SMARCC1: variants seen among roughly 807,000 people sequenced by gnomAD.
The protein encoded by SMARCC1 is SWI/SNF complex subunit SMARCC1.
In SMARCC1, 43 loss-of-function variants were observed where a neutral mutation model predicts 147.4. The observed-to-expected ratio is 0.29, with a 90% CI of 0.23 to 0.38. The LOEUF (loss-of-function observed/expected upper bound fraction) is 0.38, where lower values mean the gene tolerates loss of function less well. SMARCC1 is among the 10% of genes least tolerant of loss of function. The probability of loss-of-function intolerance (pLI) is 1.00; values close to 1 mark genes in which losing one functional copy is unlikely to be tolerated. For missense variants in SMARCC1, 1,119 were observed against 1,381.1 expected, an observed-to-expected ratio of 0.81 and a Z score of 3.01; for synonymous variants, 495 against 484.4, an observed-to-expected ratio of 1.02 and a Z score of -0.29.
At chr3:47,684,068 G>A (rs1030380343) in intron 14 of SMARCC1, among the ~76,000 whole-genome samples, 3 of 151,944 alleles carry the variant, frequency 2.0e-5, no homozygotes, top group African/African-American at 7.2e-5. Flanking sequence ...GTGAAACCCC[G>A]TCTCTACTAA....
chr3:47,610,427 C>T (rs1422356771), intron 25 of SMARCC1, 100 bp from the exon 26 acceptor site: 2 of 1,259,322 alleles, frequency 1.6e-6, no homozygotes, highest in East Asian at 4.6e-5. Context: ...ACCTCTATCC[C>T]ATCACACTGA....
intron 21 of SMARCC1, among the ~76,000 whole-genome samples, chr3:47,641,883 C>T (rs150842788): frequency 2.0e-5 from 3 of 152,242 alleles, no homozygotes; most frequent in Admixed American, 6.5e-5. Flanking sequence ...CTGATCCACC[C>T]GCCTCAGCCT....
intron 6 of SMARCC1, among the ~76,000 whole-genome samples, chr3:47,722,745 C>A (rs1355849947): frequency 6.6e-6 from 1 of 152,092 alleles, no homozygotes; most frequent in African/African-American, 2.4e-5. Context: ...AGAAGTATGG[C>A]TGAATGACAA....
intron 25 of SMARCC1, among the ~76,000 whole-genome samples, chr3:47,615,139 C>T (rs182222984): frequency 1.2e-4 from 18 of 152,316 alleles, no homozygotes; most frequent in Non-Finnish European, 2.4e-4. Context: ...CGACTCAGCC[C>T]ATAACATACA....
intron 2 of SMARCC1, among the ~76,000 whole-genome samples, chr3:47,749,100 T>C (rs751653068): frequency 2.7e-5 from 4 of 150,820 alleles, no homozygotes; most frequent in Non-Finnish European, 5.9e-5. Context: ...GTCAGAAGTT[T>C]GGGACAAGCC....
chr3:47,624,484 A>G (rs1174081778), intron 24 of SMARCC1, among the ~76,000 whole-genome samples: 1 of 152,202 alleles, frequency 6.6e-6, no homozygotes, highest in Non-Finnish European at 1.5e-5. Flanking sequence ...GTAAAATGAG[A>G]TGTTTGAAAA....
intron 21 of SMARCC1, among the ~76,000 whole-genome samples, chr3:47,655,517 T>G (rs1253934873): frequency 6.6e-6 from 1 of 151,716 alleles, no homozygotes; most frequent in Non-Finnish European, 1.5e-5. Context: ...GCCAATATGG[T>G]GAAACCCTGT....
At chr3:47,670,080 T>C (rs1052903363) in intron 19 of SMARCC1, among the ~76,000 whole-genome samples, 1 of 152,248 alleles carries the variant, frequency 6.6e-6, no homozygotes, top group African/African-American at 2.4e-5. Flanking sequence ...ATTCACAACT[T>C]ATTTTGTGAT....
At chr3:47,759,788 T>G (rs1352577965) in intron 2 of SMARCC1, among the ~76,000 whole-genome samples, 1 of 148,812 alleles carries the variant, frequency 6.7e-6, no homozygotes, top group Non-Finnish European at 1.5e-5. Context: ...TACAAAAAAA[T>G]TAGCTGGGTG....
chr3:47,635,404 C>T (rs1307646215), intron 23 of SMARCC1, 60 bp from the exon 24 acceptor site: 1 of 1,413,494 alleles, frequency 7.1e-7, no homozygotes, highest in African/African-American at 1.5e-5. Context: ...CATCTTTCTC[C>T]TTACCTCCAC....
At chr3:47,646,015 G>A (rs1435231101) in intron 21 of SMARCC1, among the ~76,000 whole-genome samples, 3 of 152,114 alleles carry the variant, frequency 2.0e-5, no homozygotes, top group Admixed American at 2.0e-4. Context: ...TTAAGGTGAT[G>A]TCTGTTAAGG....
chr3:47,739,994 A>G (rs2034489721), intron 3 of SMARCC1, among the ~76,000 whole-genome samples: 1 of 151,978 alleles, frequency 6.6e-6, no homozygotes, highest in Non-Finnish European at 1.5e-5. Flanking sequence ...CTCCTGCCTC[A>G]GCCTCCTGAT....
At chr3:47,600,364 T>C (rs2032363761) in intron 26 of SMARCC1, among the ~76,000 whole-genome samples, 1 of 152,164 alleles carries the variant, frequency 6.6e-6, no homozygotes, top group South Asian at 2.1e-4. Flanking sequence ...CTGGTGTACC[T>C]GGGGCAGTGG....
At chr3:47,655,398 C>CA (rs956893874) in intron 21 of SMARCC1, among the ~76,000 whole-genome samples, 4 of 151,160 alleles carry the variant, frequency 2.6e-5, no homozygotes, top group South Asian at 2.1e-4. Context: ...GACACTGTCT[C>CA]AAAAAAAATA....
At chr3:47,608,465 T>G (rs981904250) in intron 26 of SMARCC1, among the ~76,000 whole-genome samples, 2 of 152,146 alleles carry the variant, frequency 1.3e-5, no homozygotes, top group African/African-American at 4.8e-5. Context: ...TTATAATGGA[T>G]GATCCGACTG....
intron 12 of SMARCC1, among the ~76,000 whole-genome samples, chr3:47,691,181 TA>T (rs763942478): frequency 2.0e-5 from 3 of 152,192 alleles, no homozygotes; most frequent in Non-Finnish European, 2.9e-5. Context: ...TAATATTCAA[TA>T]AATGTTCTCT....
intron 18 of SMARCC1, among the ~76,000 whole-genome samples, chr3:47,672,503 GCC>G (rs2106750958): frequency 6.6e-6 from 1 of 152,256 alleles, no homozygotes; most frequent in East Asian, 1.9e-4. Flanking sequence ...ACCGCGTCCA[GCC>G]CCGCAAGGAT....
rs1237032571 is a variant in SMARCC1 at position 47,686,126 on chromosome 3, G to A, written c.1308C>T (p.Asp436=). Reference sequence around the variant, plus strand: ...GCTCTGTCACATTATCTTCCCCAAGGTCAACTGATCGACTCTGATCACCTT... The same window carrying A: ...GCTCTGTCACATTATCTTCCCCAAGATCAACTGATCGACTCTGATCACCTT... ...PAKGDQSRSV[D]LGEDNVTEQT... The change falls in exon 14 of 28, where the codon GAC becomes GAT. Residue 436 remains aspartate, a synonymous_variant. Transcript: ENST00000254480. 1 of 1,610,884 alleles carries A rather than the reference G, an allele frequency of 6.2e-7. No homozygotes were observed. Among genetic ancestry groups the A allele is most frequent in the Non-Finnish European group, 8.5e-7 (1 of 1,177,354 alleles).
chr3:47,610,571 T>C, intron 25 of SMARCC1: 2 of 534,672 alleles, frequency 3.7e-6, no homozygotes, highest in Non-Finnish European at 6.8e-6. Context: ...TTCCTTGCAA[T>C]CTTCCCGCAG....
Sources: gnomAD v4.1 joint callset for allele counts (sites outside exome capture counted in the v4.1 genomes callset) on GRCh38, gnomAD v4.1.1 for gene constraint, MANE v1.5 for transcripts, NCBI Gene and HGNC (gene_info 2026-07-23, HGNC 2026-07-21) for gene names.